Variants in ADAMTSL1 observed in about 807,000 individuals in gnomAD.
ADAMTSL1 encodes the protein ADAMTS like 1.
ADAMTSL1 carries 126 observed loss-of-function variants against 201.8 expected under a neutral mutation model. The ratio of observed to expected loss-of-function variants is 0.62; its 90% CI spans 0.54 to 0.72. ADAMTSL1 has a LOEUF of 0.72. Ranked by LOEUF, ADAMTSL1 falls within the 30% of genes least tolerant of loss-of-function variation. The pLI is 0.00. For synonymous variants in ADAMTSL1, 1,121 were observed against 903.4 expected (o/e 1.24, Z -4.32); for missense variants, 2,679 against 2,277.8 (o/e 1.18, Z -3.59).
At chr9:17,964,987 T>C (rs1301310725) in intron 1 of ADAMTSL1, among the ~76,000 whole-genome samples, 5 of 152,036 alleles carry the variant, frequency 3.3e-5, no homozygotes, top group Admixed American at 2.6e-4. Flanking sequence ...TCCTGGCCTC[T>C]AGTGTTCCAC....
At chr9:18,696,719 A>G (rs7024835) in intron 13 of ADAMTSL1, among the ~76,000 whole-genome samples, 2,416 of 152,208 alleles carry the variant, frequency 0.016, 56 homozygotes, top group African/African-American at 0.054. Flanking sequence ...TGACAATACC[A>G]TTTACTCAGC....
Position 18,720,549 on chromosome 9 carries a change from C to T in ADAMTSL1, c.1877-987C>T, listed in dbSNP as rs192723479. Among the ~76,000 whole-genome samples the T allele has an allele frequency of 1.2e-3, 183 of 152,164 alleles. 1 individual carries two copies. Among genetic ancestry groups the T allele is most frequent in the African/African-American group, 4.1e-3 (171 of 41,506 alleles). On this transcript the variant is annotated intron_variant, in intron 14 of 28. Transcript: ENST00000380548. The stretch of plus-strand genomic sequence containing the variant: ...CTGTAATCCCAGCACTTTTAGAAGC[C>T]GAGGTGGGCAGATCACTTGAGGTCA...
chr9:18,554,719 T>A (rs181271070), intron 3 of ADAMTSL1, among the ~76,000 whole-genome samples: 25 of 151,774 alleles, frequency 1.6e-4, no homozygotes, highest in African/African-American at 3.1e-4. Context: ...ATTTTATTTT[T>A]TTTTTTAGAG....
chr9:18,562,882 T>A (rs1022815100), intron 3 of ADAMTSL1, among the ~76,000 whole-genome samples: 2 of 152,232 alleles, frequency 1.3e-5, no homozygotes, highest in African/African-American at 4.8e-5. Context: ...ATTTATGTTC[T>A]TCTCTAAACT....
At chr9:18,241,635 A>C (rs534877221) in intron 2 of ADAMTSL1, among the ~76,000 whole-genome samples, 3 of 152,188 alleles carry the variant, frequency 2.0e-5, no homozygotes. Context: ...AACCTTAGCT[A>C]GTCTAAACAA....
At chr9:18,409,588 G>C (rs977520925) in intron 2 of ADAMTSL1, among the ~76,000 whole-genome samples, 2 of 150,844 alleles carry the variant, frequency 1.3e-5, no homozygotes, top group Non-Finnish European at 3.0e-5. Context: ...TAAAATTTTT[G>C]ATTATCACTT....
At chr9:18,229,618 A>T (rs1368291550) in intron 2 of ADAMTSL1, among the ~76,000 whole-genome samples, 2 of 152,118 alleles carry the variant, frequency 1.3e-5, no homozygotes, top group Non-Finnish European at 2.9e-5. Flanking sequence ...ATTAGACTTA[A>T]AAAAGCTACC....
chr9:18,539,921 C>T (rs183509919), intron 3 of ADAMTSL1, among the ~76,000 whole-genome samples: 24 of 152,142 alleles, frequency 1.6e-4, no homozygotes, highest in African/African-American at 5.1e-4. Context: ...CCTAGAAGTA[C>T]CACAAAAAAC....
chr9:18,583,122 G>C (rs1400262103), intron 4 of ADAMTSL1, among the ~76,000 whole-genome samples: 2 of 152,160 alleles, frequency 1.3e-5, no homozygotes, highest in African/African-American at 4.8e-5. Flanking sequence ...GTAGAGGAGG[G>C]TGCTGCTGAA....
intron 1 of ADAMTSL1, among the ~76,000 whole-genome samples, chr9:17,996,421 A>G (rs1819384629): frequency 6.6e-6 from 1 of 152,094 alleles, no homozygotes; most frequent in Admixed American, 6.6e-5. Flanking sequence ...CTGAGCTACA[A>G]TGTTATATTC....
At chr9:18,206,331 G>T (rs892541182) in intron 2 of ADAMTSL1, among the ~76,000 whole-genome samples, 1 of 152,074 alleles carries the variant, frequency 6.6e-6, no homozygotes, top group Non-Finnish European at 1.5e-5. Context: ...TGTGATTGAC[G>T]TGGAGCCCAG....
chr9:18,735,985 G>T (rs2133514349), intron 15 of ADAMTSL1, among the ~76,000 whole-genome samples: 1 of 151,774 alleles, frequency 6.6e-6, no homozygotes, highest in African/African-American at 2.4e-5. Context: ...CCCTAGACTA[G>T]TATGCCAACA....
chr9:18,059,721 T>C (rs1229217334), intron 1 of ADAMTSL1, among the ~76,000 whole-genome samples: 1 of 152,190 alleles, frequency 6.6e-6, no homozygotes, highest in East Asian at 1.9e-4. Flanking sequence ...AATGTTTGTG[T>C]ATCCCATGTT....
intron 23 of ADAMTSL1, among the ~76,000 whole-genome samples, chr9:18,832,535 G>A (rs547357511): frequency 3.9e-5 from 6 of 152,254 alleles, no homozygotes; most frequent in Non-Finnish European, 8.8e-5. Flanking sequence ...AGGAATAATC[G>A]ATAGTGGGAG....
At chr9:18,124,653 A>C (rs1272262029) in intron 1 of ADAMTSL1, among the ~76,000 whole-genome samples, 3 of 152,142 alleles carry the variant, frequency 2.0e-5, no homozygotes, top group Non-Finnish European at 4.4e-5. Context: ...GTCATATTTG[A>C]ACAGGTGTTT....
intron 1 of ADAMTSL1, among the ~76,000 whole-genome samples, chr9:18,488,607 T>C (rs1405946310): frequency 3.3e-5 from 5 of 152,178 alleles, no homozygotes; most frequent in East Asian, 1.9e-4. Context: ...GGGTCAACAA[T>C]GGCATGTACC....
At chr9:18,016,192 GA>G (rs1304846499) in intron 1 of ADAMTSL1, among the ~76,000 whole-genome samples, 3 of 152,016 alleles carry the variant, frequency 2.0e-5, no homozygotes, top group Non-Finnish European at 2.9e-5. Flanking sequence ...TCTTTCTAGT[GA>G]AAACAGAAAC....
chr9:17,982,836 T>G (rs1238589843), intron 1 of ADAMTSL1, among the ~76,000 whole-genome samples: 1 of 152,016 alleles, frequency 6.6e-6, no homozygotes, highest in Admixed American at 6.5e-5. Context: ...AGTCTCAGCT[T>G]ATTATCACTT....
chr9:18,812,063 A>G, intron 20 of ADAMTSL1, among the ~76,000 whole-genome samples: 1 of 152,330 alleles, frequency 6.6e-6, no homozygotes, highest in Middle Eastern at 3.4e-3. Context: ...TCCTGTCATA[A>G]TCTTACTAAT....
Sources: allele counts gnomAD v4.1 joint callset (sites outside exome capture counted in the v4.1 genomes callset), GRCh38; gene constraint gnomAD v4.1.1; transcripts MANE v1.5; gene names NCBI Gene and HGNC (gene_info 2026-07-23, HGNC 2026-07-21).